The following GSG1L variants were observed in gnomAD, a reference collection of about 807,000 sequenced individuals.
The protein encoded by GSG1L is germ cell-specific gene 1-like protein.
GSG1L carries 24 observed loss-of-function variants against 42.1 expected under a neutral mutation model. The ratio of observed to expected loss-of-function variants is 0.57; its 90% CI spans 0.41 to 0.80. The LOEUF is 0.80. GSG1L is among the 30% of genes least tolerant of loss of function. The pLI, the probability that GSG1L is intolerant of heterozygous loss-of-function variation, is 0.00. For missense variants in GSG1L, 445 were observed against 472.2 expected (o/e 0.94, Z 0.53); for synonymous variants, 215 against 203.5 (o/e 1.06, Z -0.48).
At chr16:27,912,135 C>T (rs1178617911) in intron 2 of GSG1L, among the ~76,000 whole-genome samples, 1 of 152,180 alleles carries the variant, frequency 6.6e-6, no homozygotes, top group Non-Finnish European at 1.5e-5. Context: ...GGGTCTGACT[C>T]CTACCACTGT....
intron 1 of GSG1L, among the ~76,000 whole-genome samples, chr16:28,056,222 A>T (rs2086277901): frequency 6.6e-6 from 1 of 152,124 alleles, no homozygotes; most frequent in Non-Finnish European, 1.5e-5. Flanking sequence ...AACCAACTCA[A>T]ATGTCCAACA....
chr16:27,939,562 AG>A (rs1259029166), intron 2 of GSG1L, among the ~76,000 whole-genome samples: 1 of 152,186 alleles, frequency 6.6e-6, no homozygotes, highest in African/African-American at 2.4e-5. Flanking sequence ...GTCAGCAGAG[AG>A]GCAGCTCAGG....
At chr16:27,851,921 C>T (rs2083519243) in intron 3 of GSG1L, among the ~76,000 whole-genome samples, 1 of 152,210 alleles carries the variant, frequency 6.6e-6, no homozygotes, top group Non-Finnish European at 1.5e-5. Flanking sequence ...CATGACCCCT[C>T]CCAAGGGGTC....
At chr16:27,850,406 G>A (rs2083497013) in intron 3 of GSG1L, 2 of 426,158 alleles carry the variant, frequency 4.7e-6, no homozygotes, top group Non-Finnish European at 9.4e-6. Context: ...GGAGTAGTCA[G>A]AACCGGAGAC....
At position 28,063,682 on chromosome 16, in the gene GSG1L, C is replaced by G. The variant is rs938143752; in HGVS notation, c.-258G>C. Reference sequence around the variant, plus strand: ...TACGGCGCGCCCGGAGCCCGGAGCGCGAGTGCACCTCGGCTAGGAGCCGCT... The same window carrying G: ...TACGGCGCGCCCGGAGCCCGGAGCGGGAGTGCACCTCGGCTAGGAGCCGCT... On this transcript the variant is annotated 5_prime_UTR_variant, in exon 1 of 7. Transcript: ENST00000447459. This position sits in a 1 kb window ranked among gnomAD's most constrained non-coding sequence, Gnocchi z 5.8. Among the ~76,000 whole-genome samples the G allele has an allele frequency of 5.4e-5, 8 of 149,314 alleles. No individual in the cohort carries two copies. The highest frequency in any genetic ancestry group is 2.0e-4 in the African/African-American group (8 of 40,974).
Position 27,804,562 on chromosome 16 carries a change from C to T in GSG1L, c.898+2925G>A, listed in dbSNP as rs928444798. On this transcript the variant is annotated intron_variant, in intron 6 of 6. Coordinates refer to ENST00000447459, the MANE Select transcript of GSG1L (RefSeq NM_001109763.2). ...GGCCGTTGTCTTGCCTGACTCCCTG[C>T]TGTCTCTCCAGCACCCACAGGGCTG... is the stretch of plus-strand genomic sequence containing the variant. Among the ~76,000 whole-genome samples the T allele has an allele frequency of 3.3e-5, 5 of 151,542 alleles. No homozygotes were observed. The South Asian group carries it at 1.0e-3, about 32-fold the overall frequency.
At chr16:27,858,383 A>C (rs2083605147) in intron 3 of GSG1L, among the ~76,000 whole-genome samples, 1 of 152,240 alleles carries the variant, frequency 6.6e-6, no homozygotes, top group South Asian at 2.1e-4. Flanking sequence ...GAGAGTGTAA[A>C]GCTCATAGAG....
At chr16:27,860,915 G>A (rs2083641067) in intron 3 of GSG1L, among the ~76,000 whole-genome samples, 1 of 152,186 alleles carries the variant, frequency 6.6e-6, no homozygotes, top group Non-Finnish European at 1.5e-5. Flanking sequence ...AGCTGTGGTA[G>A]AAGAGGATTG....
In GSG1L at chr16:27,902,183, G is replaced by A. The variant is rs565870931; in HGVS notation, c.398-17545C>T. Among the ~76,000 whole-genome samples, 17 of 152,272 alleles carry A rather than the reference G, an allele frequency of 1.1e-4. No homozygotes were observed. In the South Asian group the frequency reaches 1.7e-3, roughly 15 times the overall value. ...CACATCTGGCTCTGGCATGGGTGGC[G>A]CTCAGCAAAGAACTTGCTAAATGAA... is the stretch of plus-strand genomic sequence containing the variant. On this transcript the variant is annotated intron_variant, in intron 2 of 6. Transcript: ENST00000447459.
chr16:27,803,208 A>T (rs911424120), intron 6 of GSG1L, among the ~76,000 whole-genome samples: 1 of 151,734 alleles, frequency 6.6e-6, no homozygotes, highest in Non-Finnish European at 1.5e-5. Context: ...CCCCAGCTCC[A>T]CGGTGGTGCA....
chr16:28,024,752 T>C (rs2085881639), intron 1 of GSG1L, among the ~76,000 whole-genome samples: 1 of 152,280 alleles, frequency 6.6e-6, no homozygotes, highest in Admixed American at 6.5e-5. Context: ...CATAGTGCTA[T>C]TGTGAGGATT....
chr16:27,861,507 T>C (rs1490360167), intron 3 of GSG1L, among the ~76,000 whole-genome samples: 1 of 152,210 alleles, frequency 6.6e-6, no homozygotes, highest in Non-Finnish European at 1.5e-5. Context: ...ATTCCACCTC[T>C]AGGAATTTAC....
intron 2 of GSG1L, among the ~76,000 whole-genome samples, chr16:27,913,250 AGTGT>A (rs1357419717): frequency 6.6e-6 from 1 of 152,238 alleles, no homozygotes; most frequent in African/African-American, 2.4e-5. Flanking sequence ...AAAAAGATAC[AGTGT>A]ATTTAATGAT....
intron 2 of GSG1L, among the ~76,000 whole-genome samples, chr16:27,931,434 T>C (rs2084656731): frequency 6.6e-6 from 1 of 152,156 alleles, no homozygotes; most frequent in South Asian, 2.1e-4. Flanking sequence ...AAGTTGTTTC[T>C]AGGAGCAAAA....
intron 2 of GSG1L, among the ~76,000 whole-genome samples, chr16:27,916,486 C>CTTT (rs35176989): frequency 2.6e-5 from 3 of 114,856 alleles, no homozygotes; most frequent in Non-Finnish European, 3.7e-5. Context: ...ATTTTTAATC[C>CTTT]TTTTTTTTTT....
intron 1 of GSG1L, among the ~76,000 whole-genome samples, chr16:27,983,365 A>G (rs1456854960): frequency 6.6e-6 from 1 of 152,054 alleles, no homozygotes. Flanking sequence ...AAAAATTAAT[A>G]AAAGAAAATA....
intron 3 of GSG1L, among the ~76,000 whole-genome samples, chr16:27,881,205 C>G (rs555047989): frequency 2.0e-5 from 3 of 149,284 alleles, no homozygotes; most frequent in East Asian, 3.9e-4. Context: ...ACATATGAAA[C>G]GGGATTCAGT....
intron 2 of GSG1L, among the ~76,000 whole-genome samples, chr16:27,930,937 T>C (rs1257178183): frequency 1.3e-5 from 2 of 151,992 alleles, no homozygotes; most frequent in East Asian, 3.9e-4. Context: ...GGGGCCTTGT[T>C]ATGTTGCCCA....
At chr16:27,974,640 A>G (rs8045501) in intron 1 of GSG1L, among the ~76,000 whole-genome samples, 101,992 of 152,000 alleles carry the variant, frequency 0.67, 34,431 homozygotes, top group South Asian at 0.86. Flanking sequence ...CCTCACCATC[A>G]CACACCATTG....
Sources: allele counts gnomAD v4.1 joint callset (sites outside exome capture counted in the v4.1 genomes callset), GRCh38; gene constraint gnomAD v4.1.1; non-coding constraint Gnocchi (gnomAD v3.1); transcripts MANE v1.5; gene names NCBI Gene and HGNC (gene_info 2026-07-23, HGNC 2026-07-21).